Variants in TERB2 observed in about 807,000 individuals in gnomAD.
TERB2 encodes telomere repeats-binding bouquet formation protein 2.
In TERB2, 26 loss-of-function variants were observed where a neutral mutation model predicts 29.8. The observed-to-expected ratio is 0.87, with a 90% CI of 0.64 to 1.21. The LOEUF (loss-of-function observed/expected upper bound fraction) is 1.21. Ranked by LOEUF, TERB2 falls within the 50% of genes most tolerant of loss-of-function variation. The pLI, the probability that TERB2 is intolerant of heterozygous loss-of-function variation, is 0.00. For synonymous variants in TERB2, 80 were observed against 90.8 expected, an observed-to-expected ratio of 0.88 and a Z score of 0.68; for missense variants, 240 against 268.6, an observed-to-expected ratio of 0.89 and a Z score of 0.74.
chr15:44,957,460 G>A (rs951945287), intron 2 of TERB2, among the ~76,000 whole-genome samples: 48 of 152,026 alleles, frequency 3.2e-4, no homozygotes, highest in African/African-American at 9.2e-4. Context: ...CGCCTTGAAG[G>A]CCCCTCATAC....
At chr15:44,969,523 T>TCC (rs1891937614) in intron 5 of TERB2, among the ~76,000 whole-genome samples, 1 of 151,800 alleles carries the variant, frequency 6.6e-6, no homozygotes, top group African/African-American at 2.4e-5. Context: ...GCATGGTGGC[T>TCC]CACACCTGTC....
intron 6 of TERB2, among the ~76,000 whole-genome samples, chr15:44,975,176 T>C (rs1237365225): frequency 6.6e-6 from 1 of 152,244 alleles, no homozygotes; most frequent in African/African-American, 2.4e-5. Flanking sequence ...GTAAAAATTT[T>C]TAATCTTTTT....
At chr15:44,974,881 T>C (rs1892022080) in intron 6 of TERB2, among the ~76,000 whole-genome samples, 2 of 152,160 alleles carry the variant, frequency 1.3e-5, no homozygotes, top group Admixed American at 6.5e-5. Flanking sequence ...CATATTACTA[T>C]CCCTGTTCAT....
At chr15:44,961,744 G>C (rs573732244) in intron 4 of TERB2, among the ~76,000 whole-genome samples, 160 bp downstream of exon 4, 2 of 152,340 alleles carry the variant, frequency 1.3e-5, no homozygotes, top group South Asian at 4.1e-4. Flanking sequence ...CTGTCTCCCA[G>C]GCTGGAGTGT....
intron 6 of TERB2, among the ~76,000 whole-genome samples, chr15:44,977,703 T>A (rs906982531): frequency 3.3e-5 from 5 of 152,202 alleles, no homozygotes; most frequent in African/African-American, 9.6e-5. Flanking sequence ...TGCATGGATA[T>A]CCTGTTGATC....
intron 4 of TERB2, among the ~76,000 whole-genome samples, chr15:44,961,920 G>A (rs1211828938): frequency 6.6e-6 from 1 of 152,010 alleles, no homozygotes; most frequent in Non-Finnish European, 1.5e-5. Context: ...GGCTGTTCTC[G>A]AACTCTGGCC....
Position 44,956,799 on chromosome 15 carries a change from A to C in TERB2, c.64+17A>C, listed in dbSNP as rs1269417651. ...AATTCTGGGGTAGGAAGCTGAGTGG[A>C]AGCAGCGGGTTAGGTGGTGAGGGGA... On this transcript the variant is annotated intron_variant, in intron 1 of 6. Transcript: ENST00000340827. 3.7e-6 allele frequency: 6 copies of C among 1,613,688 alleles called. No individual in the cohort carries two copies. In the African/African-American group the frequency reaches 6.7e-5, roughly 18 times the overall value.
intron 5 of TERB2, among the ~76,000 whole-genome samples, chr15:44,971,981 C>CTTTTTT (rs71111900): frequency 3.6e-4 from 24 of 66,358 alleles, no homozygotes; most frequent in East Asian, 1.2e-3. Flanking sequence ...GAAATAGAAG[C>CTTTTTT]TTTTTTTTTT....
Position 44,967,206 on chromosome 15 carries a change from G to A in TERB2, c.434+963G>A, listed in dbSNP as rs145867519. ...TCATTGCAGGCTTATACATGATCTAGTCCTAGCTTCATATTTTCCAATTCA... is the reference window on the plus strand; with the variant it reads ...TCATTGCAGGCTTATACATGATCTAATCCTAGCTTCATATTTTCCAATTCA... On this transcript the variant is annotated intron_variant, in intron 5 of 6. Coordinates refer to ENST00000340827, the MANE Select transcript of TERB2 (RefSeq NM_152448.3). Among the ~76,000 whole-genome samples, 335 of 152,348 alleles carry A rather than the reference G, an allele frequency of 2.2e-3. 2 individuals are homozygous for A. The highest frequency in any genetic ancestry group is 7.7e-3 in the African/African-American group (321 of 41,582).
rs1484754044 is a variant in TERB2, at chr15:44,966,140, T to G, written c.349-18T>G. On this transcript the variant is annotated intron_variant, in intron 4 of 6. Coordinates refer to ENST00000340827, the MANE Select transcript of TERB2 (RefSeq NM_152448.3). The stretch of plus-strand genomic sequence containing the variant: ...GTATGACGATTTTTTAAAATGTGAT[T>G]TACTTTTCTATCCACAGCATGATGA... 6.9e-7 allele frequency: 1 copy of G among 1,451,356 alleles called. No homozygotes were observed. Among genetic ancestry groups the G allele is most frequent in the Non-Finnish European group, 9.1e-7 (1 of 1,096,144 alleles). The allele number at this position is 1,451,356 out of a possible 1,614,324, so 89.9% of individuals were successfully genotyped here.
chr15:44,976,565 G>T (rs1394895948), intron 6 of TERB2, among the ~76,000 whole-genome samples: 2 of 152,154 alleles, frequency 1.3e-5, no homozygotes, highest in Non-Finnish European at 2.9e-5. Flanking sequence ...AAGTGACATT[G>T]CATCACTTCT....
At chr15:44,957,146 G>A (rs1457544300) in intron 2 of TERB2, among the ~76,000 whole-genome samples, 169 bp downstream of exon 2, 13 of 151,404 alleles carry the variant, frequency 8.6e-5, no homozygotes, top group African/African-American at 2.9e-4. Flanking sequence ...CTCGGGAGGC[G>A]GAGGTTGCAG....
At chr15:44,957,037 A>T (rs1891726820) in intron 2 of TERB2, 60 bp downstream of exon 2, 1 of 1,519,250 alleles carries the variant, frequency 6.6e-7, no homozygotes, top group Non-Finnish European at 9.0e-7. Context: ...TTAGGGATGG[A>T]AGTTGCAGTC....
At position 44,956,739 on chromosome 15, in the gene TERB2, T is replaced by C. The variant is rs558759052; in HGVS notation, c.21T>C (p.Gly7=). 4.9e-5 allele frequency: 79 copies of C among 1,611,770 alleles called. 1 individual carries two copies. In the South Asian group the frequency reaches 8.2e-4, roughly 17 times the overall value. ...ACGCCATGTTTCAAGGGCAGCGCGG[T>C]TGGTTTTGCGGCAGCGTTAGCCAGG... MFQGQR[G]WFCGSVSQDL... is the part of the protein sequence containing the mutation. Residue 7 remains glycine, a synonymous_variant, in exon 1 of 7, where the codon GGT becomes GGC. Transcript: ENST00000340827.
At chr15:44,959,173 T>C (rs1233344461) in intron 3 of TERB2, among the ~76,000 whole-genome samples, 1 of 152,216 alleles carries the variant, frequency 6.6e-6, no homozygotes, top group Non-Finnish European at 1.5e-5. Context: ...TTGGTTATGA[T>C]AATAAACCCA....
chr15:44,960,990 TAATA>T lies in TERB2; in HGVS notation c.287-532_287-529del, dbSNP rs527805140. 2.2e-3 allele frequency among the ~76,000 whole-genome samples: 334 copies of T among 151,962 alleles called. 2 individuals carry two copies. The highest frequency in any genetic ancestry group is 7.7e-3 in the African/African-American group (320 of 41,490). On this transcript the variant is annotated intron_variant, in intron 3 of 6. Transcript: ENST00000340827. ...GCTATATAGACATTAGATATACATC[TAATA>T]TATATCTAATGCATTATATAGATAC...
chr15:44,969,822 A>G (rs1891942651), intron 5 of TERB2, among the ~76,000 whole-genome samples: 1 of 151,598 alleles, frequency 6.6e-6, no homozygotes, highest in South Asian at 2.1e-4. Flanking sequence ...AATTAGTAGC[A>G]TATATCTGTT....
At chr15:44,965,608 AT>A (rs1438549544) in intron 4 of TERB2, among the ~76,000 whole-genome samples, 2 of 144,524 alleles carry the variant, frequency 1.4e-5, no homozygotes, top group East Asian at 2.0e-4. Flanking sequence ...TATATATTTA[AT>A]AGATATATAA....
chr15:44,973,382 G>T (rs11637645), intron 5 of TERB2, among the ~76,000 whole-genome samples: 2,526 of 152,158 alleles, frequency 0.017, 22 homozygotes, highest in Middle Eastern at 0.031. Flanking sequence ...TCAGGGATAT[G>T]GAGAAAAAGA....
Sources: allele counts gnomAD v4.1 joint callset (sites outside exome capture counted in the v4.1 genomes callset), GRCh38; gene constraint gnomAD v4.1.1; transcripts MANE v1.5; gene names NCBI Gene and HGNC (gene_info 2026-07-23, HGNC 2026-07-21).